ITIH5: variants seen among roughly 807,000 people sequenced by gnomAD.
ITIH5 encodes inter-alpha-trypsin inhibitor heavy chain 5.
ITIH5 carries 65 observed loss-of-function variants against 77.5 expected under a neutral mutation model. The ratio of observed to expected loss-of-function variants is 0.84; its 90% CI spans 0.69 to 1.03. The LOEUF (loss-of-function observed/expected upper bound fraction) is 1.03, where lower values mean the gene tolerates loss of function less well. Ranked by LOEUF, ITIH5 falls within the 50% of genes least tolerant of loss-of-function variation. ITIH5 has a pLI of 0.00. For missense variants in ITIH5, 1,208 were observed against 1,213.1 expected, an observed-to-expected ratio of 1.00 and a Z score of 0.06; for synonymous variants, 525 against 494.3, an observed-to-expected ratio of 1.06 and a Z score of -0.82.
intron 11 of ITIH5, chr10:7,572,081 CA>C: frequency 2.9e-6 from 3 of 1,034,258 alleles, no homozygotes; most frequent in Non-Finnish European, 3.5e-6. Flanking sequence ...AGGCAGCATC[CA>C]AGAGGAAGCT....
At chr10:7,613,278 T>A in intron 7 of ITIH5, among the ~76,000 whole-genome samples, 1 of 150,782 alleles carries the variant, frequency 6.6e-6, no homozygotes, top group African/African-American at 2.5e-5. Context: ...AAAGAACTTG[T>A]AGCCCATAAT....
intron 1 of ITIH5, among the ~76,000 whole-genome samples, chr10:7,664,709 A>C (rs1306183533): frequency 6.6e-6 from 1 of 152,250 alleles, no homozygotes; most frequent in Admixed American, 6.5e-5. Context: ...CTGCAATGCA[A>C]GTTAATAGTC....
intron 1 of ITIH5, among the ~76,000 whole-genome samples, chr10:7,661,832 CTGGGACTACAG>C (rs1433845235): frequency 1.3e-5 from 2 of 152,122 alleles, no homozygotes; most frequent in African/African-American, 4.8e-5. Flanking sequence ...TCCCAAGTAC[CTGGGACTACAG>C]GTGCATGCCA....
rs140732313 is a variant in ITIH5, at chr10:7,650,950, T to C, written c.135+4681A>G. Among the ~76,000 whole-genome samples, 126 of 152,188 alleles carry C rather than the reference T, an allele frequency of 8.3e-4. 2 individuals carry two copies. In the East Asian group the frequency reaches 0.019, roughly 23 times the overall value. On this transcript the variant is annotated intron_variant, in intron 2 of 13. Transcript: ENST00000397146. ...GAGAAGGAAAACAAAATGCCATTTTTATTTTTATACAAGAAAACCCTCCCC... is the reference window on the plus strand; with the variant it reads ...GAGAAGGAAAACAAAATGCCATTTTCATTTTTATACAAGAAAACCCTCCCC...
At chr10:7,629,248 T>C (rs202016884) in intron 5 of ITIH5, among the ~76,000 whole-genome samples, 12,216 of 136,452 alleles carry the variant, frequency 0.09, 1,097 homozygotes, top group African/African-American at 0.21. Flanking sequence ...GTAGCGTGTG[T>C]CCATGTTGTA....
chr10:7,595,896 T>C (rs1199886026), intron 7 of ITIH5, among the ~76,000 whole-genome samples: 1 of 152,106 alleles, frequency 6.6e-6, no homozygotes, highest in Admixed American at 6.6e-5. Flanking sequence ...TAGTCCCAGC[T>C]ACTCGGGAGG....
intron 7 of ITIH5, among the ~76,000 whole-genome samples, chr10:7,596,839 G>A (rs1055299045): frequency 6.6e-6 from 1 of 151,892 alleles, no homozygotes; most frequent in Non-Finnish European, 1.5e-5. Flanking sequence ...CCTGAGGTCA[G>A]GAGTTTGAGA....
chr10:7,581,721 CTTTT>C (rs142992412), intron 8 of ITIH5, among the ~76,000 whole-genome samples: 15 of 101,722 alleles, frequency 1.5e-4, no homozygotes, highest in African/African-American at 4.7e-4. Flanking sequence ...TCTTTTCCTT[CTTTT>C]TTTTTTTTTT....
At chr10:7,596,104 G>C (rs1001373152) in intron 7 of ITIH5, among the ~76,000 whole-genome samples, 2 of 152,170 alleles carry the variant, frequency 1.3e-5, no homozygotes, top group Non-Finnish European at 2.9e-5. Flanking sequence ...TGTTCTAGCG[G>C]ATCTTTGGGG....
At chr10:7,563,485 C>A (rs1832079422) in intron 13 of ITIH5, 101 bp from the exon 14 acceptor site, 2 of 1,081,914 alleles carry the variant, frequency 1.8e-6, no homozygotes, top group African/African-American at 3.2e-5. Flanking sequence ...TTACAACTGG[C>A]CACAGCCCGA....
At chr10:7,585,831 A>C (rs1832662385) in intron 8 of ITIH5, 70 bp downstream of exon 8, 2 of 1,393,442 alleles carry the variant, frequency 1.4e-6, no homozygotes, top group South Asian at 1.4e-5. Context: ...TTGGCAAAAA[A>C]AAAAAAAAAC....
intron 2 of ITIH5, among the ~76,000 whole-genome samples, chr10:7,655,275 A>G (rs567497187): frequency 6.6e-6 from 1 of 152,262 alleles, no homozygotes; most frequent in South Asian, 2.1e-4. Flanking sequence ...TAGTCTACAA[A>G]TGTCAATTCT....
chr10:7,615,832 A>G, intron 7 of ITIH5, 150 bp downstream of exon 7: 1 of 628,554 alleles, frequency 1.6e-6, no homozygotes, highest in South Asian at 1.9e-5. Flanking sequence ...CAAATGACTT[A>G]ACTGAATCCG....
At chr10:7,607,060 AT>A (rs1367963493) in intron 7 of ITIH5, among the ~76,000 whole-genome samples, 1 of 152,050 alleles carries the variant, frequency 6.6e-6, no homozygotes, top group African/African-American at 2.4e-5. Context: ...CTGTTTTGCA[AT>A]GTTTTCCTGA....
rs1554750098 is a variant in ITIH5, at chr10:7,582,066, C to CA, written c.1109-2003_1109-2002insT. 2.4e-4 allele frequency among the ~76,000 whole-genome samples: 36 copies of CA among 151,244 alleles called. No individual in the cohort carries two copies. In the East Asian group the frequency reaches 3.5e-3, roughly 15 times the overall value. Reference sequence around the variant, plus strand: ...AATTTTTGTACTTTTTTAGTAGAGACGGGTTTCACCATGTTGGCCAGGCTG... The same window carrying CA: ...AATTTTTGTACTTTTTTAGTAGAGACAGGGTTTCACCATGTTGGCCAGGCTG... On this transcript the variant is annotated intron_variant, in intron 8 of 13. Coordinates refer to ENST00000397146, the MANE Select transcript of ITIH5 (RefSeq NM_030569.7).
intron 7 of ITIH5, 89 bp from the exon 8 acceptor site, chr10:7,586,158 A>T: frequency 4.1e-6 from 5 of 1,208,450 alleles, no homozygotes; most frequent in Non-Finnish European, 5.7e-6. Context: ...CCCCCCAGGA[A>T]AAATGTCAGG....
At chr10:7,581,744 TA>T (rs1324760030) in intron 8 of ITIH5, among the ~76,000 whole-genome samples, 2 of 125,578 alleles carry the variant, frequency 1.6e-5, no homozygotes, top group African/African-American at 5.9e-5. Context: ...TTTTTTTTTT[TA>T]GAGACAGGGT....
chr10:7,570,210 T>C (rs1012764828), intron 11 of ITIH5: 3 of 153,840 alleles, frequency 2.0e-5, no homozygotes, highest in African/African-American at 7.2e-5. Context: ...TTCCTCCCTA[T>C]GATGGGAGAT....
intron 2 of ITIH5, among the ~76,000 whole-genome samples, chr10:7,646,118 T>C (rs1834006040): frequency 6.6e-6 from 1 of 152,232 alleles, no homozygotes; most frequent in Non-Finnish European, 1.5e-5. Flanking sequence ...GGCTGTGATC[T>C]TGTGAATTTG....
Sources: allele counts gnomAD v4.1 joint callset (sites outside exome capture counted in the v4.1 genomes callset), GRCh38; gene constraint gnomAD v4.1.1; transcripts MANE v1.5; gene names NCBI Gene and HGNC (gene_info 2026-07-23, HGNC 2026-07-21).